GRIA1: variants seen among roughly 807,000 people sequenced by gnomAD.
GRIA1 encodes the protein glutamate ionotropic receptor AMPA type subunit 1.
In GRIA1, 31 loss-of-function variants were observed where a neutral mutation model predicts 99.2. The observed-to-expected ratio is 0.31, with a 90% CI of 0.23 to 0.42. The LOEUF is 0.42. GRIA1 is among the 10% of genes least tolerant of loss of function. The pLI, the probability that GRIA1 is intolerant of heterozygous loss-of-function variation, is 1.00. For missense variants in GRIA1, 782 were observed against 1,157.5 expected, an observed-to-expected ratio of 0.68 and a Z score of 4.71; for synonymous variants, 438 against 432.4, an observed-to-expected ratio of 1.01 and a Z score of -0.16.
intron 1 of GRIA1, among the ~76,000 whole-genome samples, chr5:153,492,774 T>C (rs114202706): frequency 0.021 from 3,107 of 148,476 alleles, 116 homozygotes; most frequent in African/African-American, 0.072. Flanking sequence ...GATAAAGCCA[T>C]TGCTACTGTT....
At chr5:153,762,491 A>C (rs185882349) in intron 11 of GRIA1, among the ~76,000 whole-genome samples, 2 of 152,302 alleles carry the variant, frequency 1.3e-5, no homozygotes, top group East Asian at 3.9e-4. Flanking sequence ...CCTGTTGTGC[A>C]CTGGTTCTGG....
intron 2 of GRIA1, among the ~76,000 whole-genome samples, chr5:153,608,546 T>G (rs748107314): frequency 6.6e-6 from 1 of 152,244 alleles, no homozygotes; most frequent in Admixed American, 6.5e-5. Flanking sequence ...CTATTGAATT[T>G]TAGATGCCAG....
At chr5:153,775,063 C>T (rs769435063) in intron 13 of GRIA1, among the ~76,000 whole-genome samples, 2 of 152,148 alleles carry the variant, frequency 1.3e-5, no homozygotes, top group African/African-American at 4.8e-5. Flanking sequence ...ATGCAGCCAA[C>T]GTCACTCACT....
chr5:153,577,154 T>TTGGATGGATGGA (rs35199031), intron 2 of GRIA1, among the ~76,000 whole-genome samples: 1 of 119,962 alleles, frequency 8.3e-6, no homozygotes, highest in African/African-American at 3.0e-5. Flanking sequence ...GGATGGATGG[T>TTGGATGGATGGA]TGGATGGATG....
At chr5:153,792,920 G>A (rs1002927367) in intron 13 of GRIA1, among the ~76,000 whole-genome samples, 8 of 152,084 alleles carry the variant, frequency 5.3e-5, no homozygotes, top group East Asian at 1.9e-4. Context: ...CCCAATGTGG[G>A]GTAAGCAAAA....
At chr5:153,514,631 G>T (rs1375309322) in intron 2 of GRIA1, among the ~76,000 whole-genome samples, 2 of 152,102 alleles carry the variant, frequency 1.3e-5, no homozygotes, top group African/African-American at 2.4e-5. Flanking sequence ...TGTGATGCCT[G>T]CAGCTTTGTT....
At chr5:153,682,273 G>A (rs1391846729) in intron 7 of GRIA1, among the ~76,000 whole-genome samples, 1 of 152,118 alleles carries the variant, frequency 6.6e-6, no homozygotes, top group East Asian at 1.9e-4. Context: ...ACTGCAAAGG[G>A]GATACAGGAG....
At chr5:153,779,209 C>T (rs192874981) in intron 13 of GRIA1, among the ~76,000 whole-genome samples, 8 of 152,274 alleles carry the variant, frequency 5.3e-5, no homozygotes, top group Non-Finnish European at 1.0e-4. Flanking sequence ...ATTATCATTT[C>T]CCTTTCATAG....
At chr5:153,657,519 A>AT (rs1426677029) in intron 5 of GRIA1, among the ~76,000 whole-genome samples, 1 of 152,194 alleles carries the variant, frequency 6.6e-6, no homozygotes, top group African/African-American at 2.4e-5. Context: ...TTTTGTGTTG[A>AT]TTATCTCTAT....
chr5:153,707,337 G>C (rs1758971514), intron 11 of GRIA1, among the ~76,000 whole-genome samples: 2 of 152,148 alleles, frequency 1.3e-5, no homozygotes, highest in Admixed American at 1.3e-4. Flanking sequence ...ACAGGAGATG[G>C]GGGTGAGGAA....
chr5:153,680,612 A>G (rs77003025), intron 7 of GRIA1, among the ~76,000 whole-genome samples: 4,560 of 152,220 alleles, frequency 0.03, 196 homozygotes, highest in African/African-American at 0.095. Context: ...CTAAATAGTA[A>G]TCATCCCTCT....
intron 2 of GRIA1, among the ~76,000 whole-genome samples, chr5:153,554,131 T>C (rs1036042838): frequency 7.2e-5 from 11 of 152,214 alleles, no homozygotes; most frequent in South Asian, 4.1e-4. Flanking sequence ...GTAAGTTATG[T>C]GGCAGCCTCT....
chr5:153,579,557 T>C (rs1437720929), intron 2 of GRIA1, among the ~76,000 whole-genome samples: 1 of 152,184 alleles, frequency 6.6e-6, no homozygotes, highest in Admixed American at 6.5e-5. Context: ...TGAAAAATAA[T>C]ACTGACAATG....
intron 7 of GRIA1, among the ~76,000 whole-genome samples, chr5:153,681,065 A>ACACG (rs1357443676): frequency 1.3e-5 from 2 of 152,224 alleles, no homozygotes; most frequent in African/African-American, 4.8e-5. Context: ...TGTAGGCTGC[A>ACACG]CACGAAGTAC....
chr5:153,687,927 G>C (rs971747806), intron 8 of GRIA1, among the ~76,000 whole-genome samples: 7 of 152,236 alleles, frequency 4.6e-5, no homozygotes, highest in African/African-American at 1.7e-4. Context: ...AGTCTGACTT[G>C]AGTTTCACTG....
chr5:153,811,283 A>G lies in GRIA1; in HGVS notation c.*58A>G. 2 of 1,274,742 alleles carry G rather than the reference A, an allele frequency of 1.6e-6. No homozygotes were observed. Among genetic ancestry groups the G allele is most frequent in the Non-Finnish European group, 2.3e-6 (2 of 878,344 alleles). The allele number at this position is 1,274,742 out of a possible 1,614,324, so 79.0% of individuals were successfully genotyped here. A position where few individuals can be genotyped will look rare whatever the true frequency, so the allele number is the denominator to read the frequency against. On this transcript the variant is annotated 3_prime_UTR_variant, in exon 16 of 16. Coordinates refer to ENST00000285900, the MANE Select transcript of GRIA1 (RefSeq NM_000827.4). The stretch of plus-strand genomic sequence containing the variant: ...CTCGGGCTCCCCAGCCCCATCCCAA[A>G]CCCTTCAGTGCCAAAAACAACAACA...
chr5:153,740,102 G>T (rs1037892877), intron 11 of GRIA1, among the ~76,000 whole-genome samples: 1 of 152,212 alleles, frequency 6.6e-6, no homozygotes, highest in African/African-American at 2.4e-5. Context: ...TATAAGCAAA[G>T]AACAAATGTT....
chr5:153,509,720 A>G (rs1755876950), intron 2 of GRIA1, among the ~76,000 whole-genome samples: 1 of 152,186 alleles, frequency 6.6e-6, no homozygotes. Context: ...TTATTTATAA[A>G]GTGGCAGTAA....
At chr5:153,610,965 C>G (rs890531593) in intron 2 of GRIA1, among the ~76,000 whole-genome samples, 1 of 152,198 alleles carries the variant, frequency 6.6e-6, no homozygotes, top group African/African-American at 2.4e-5. Flanking sequence ...AACAGGCTGT[C>G]TTCAACCTGG....
Sources: allele counts gnomAD v4.1 joint callset (sites outside exome capture counted in the v4.1 genomes callset), GRCh38; gene constraint gnomAD v4.1.1; transcripts MANE v1.5; gene names NCBI Gene and HGNC (gene_info 2026-07-23, HGNC 2026-07-21).